The following CNTNAP4 variants were observed in gnomAD, a reference collection of about 807,000 sequenced individuals.
CNTNAP4 encodes contactin associated protein family member 4.
A neutral mutation model predicts 148.4 loss-of-function variants in CNTNAP4; 98 were observed. The ratio of observed to expected loss-of-function variants is 0.66; its 90% CI spans 0.56 to 0.78. The LOEUF (loss-of-function observed/expected upper bound fraction) is 0.78. Ranked by LOEUF, CNTNAP4 falls within the 30% of genes least tolerant of loss-of-function variation. The pLI is 0.00. For synonymous variants in CNTNAP4, 730 were observed against 565.1 expected, an observed-to-expected ratio of 1.29 and a Z score of -4.14; for missense variants, 1,935 against 1,565.6, an observed-to-expected ratio of 1.24 and a Z score of -3.98.
chr16:76,316,757 A>G (rs1435217493), intron 2 of CNTNAP4, among the ~76,000 whole-genome samples: 2 of 152,214 alleles, frequency 1.3e-5, no homozygotes, highest in Admixed American at 6.5e-5. Flanking sequence ...CTTTTTATAT[A>G]TCTTACTAAA....
intron 3 of CNTNAP4, among the ~76,000 whole-genome samples, chr16:76,377,789 G>A (rs1413890943): frequency 6.6e-6 from 1 of 152,132 alleles, no homozygotes; most frequent in Non-Finnish European, 1.5e-5. Flanking sequence ...GTAATTGACA[G>A]AAGAACTATA....
intron 17 of CNTNAP4, among the ~76,000 whole-genome samples, chr16:76,524,209 A>C (rs1472761152): frequency 1.3e-5 from 2 of 152,204 alleles, no homozygotes; most frequent in African/African-American, 4.8e-5. Flanking sequence ...TAGACAATCT[A>C]ATCATGATCT....
At chr16:76,518,402 A>G (rs1438806495) in intron 15 of CNTNAP4, among the ~76,000 whole-genome samples, 2 of 152,184 alleles carry the variant, frequency 1.3e-5, no homozygotes, top group Admixed American at 1.3e-4. Flanking sequence ...TGCTGGGATT[A>G]CAGGCATGAG....
intron 10 of CNTNAP4, among the ~76,000 whole-genome samples, chr16:76,468,216 G>T (rs1304448714): frequency 6.6e-6 from 1 of 152,102 alleles, no homozygotes; most frequent in Non-Finnish European, 1.5e-5. Context: ...GCTCATGCCT[G>T]TAATCCCAGC....
At position 76,539,746 on chromosome 16, in the gene CNTNAP4, A is replaced by G. The variant is rs1251895439; in HGVS notation, c.3248A>G (p.Asn1083Ser). 2 of 1,599,990 alleles carry G rather than the reference A, an allele frequency of 1.3e-6. No homozygotes were observed. Among genetic ancestry groups the G allele is most frequent in the Non-Finnish European group, 1.7e-6 (2 of 1,174,892 alleles). Reference protein sequence around the residue: ...NGSLQIRYKLNKYQEPDVVNF... With the variant: ...NGSLQIRYKLSKYQEPDVVNF... ...AGTTTGCAGATCAGGTACAAGTTAA[A>G]TAAATATCAAGAGCCTGATGTTGTT... Residue 1083 changes from asparagine to serine, a missense_variant, in exon 20 of 24, where the codon AAT becomes AGT. By Grantham distance (46) the Asn-to-Ser change is conservative (BLOSUM62 1). Coordinates refer to ENST00000611870, the MANE Select transcript of CNTNAP4 (RefSeq NM_033401.5).
intron 4 of CNTNAP4, among the ~76,000 whole-genome samples, chr16:76,441,609 C>G (rs2080043944): frequency 6.6e-6 from 1 of 152,068 alleles, no homozygotes; most frequent in Non-Finnish European, 1.5e-5. Flanking sequence ...CTGACAGACA[C>G]AGAAAAAGCC....
At chr16:76,529,706 GC>G (rs1476652237) in intron 17 of CNTNAP4, among the ~76,000 whole-genome samples, 1 of 152,158 alleles carries the variant, frequency 6.6e-6, no homozygotes, top group East Asian at 1.9e-4. Context: ...GAAGTAACTT[GC>G]TTTGCATTTG....
intron 1 of CNTNAP4, among the ~76,000 whole-genome samples, chr16:76,288,621 T>G (rs1263141629): frequency 6.6e-6 from 1 of 152,196 alleles, no homozygotes; most frequent in Non-Finnish European, 1.5e-5. Flanking sequence ...TCATAGACTA[T>G]CAAAATGGAT....
chr16:76,333,280 T>G (rs905690910), intron 2 of CNTNAP4, among the ~76,000 whole-genome samples: 2 of 152,164 alleles, frequency 1.3e-5, no homozygotes, highest in African/African-American at 4.8e-5. Flanking sequence ...GTGTCTCTTG[T>G]ATGTACTACG....
At chr16:76,371,805 C>G (rs148493771) in intron 3 of CNTNAP4, among the ~76,000 whole-genome samples, 13 of 152,308 alleles carry the variant, frequency 8.5e-5, no homozygotes, top group Non-Finnish European at 1.8e-4. Context: ...CTTGTACTTT[C>G]CTATTTCTCT....
chr16:76,310,183 A>G (rs1960948678), intron 1 of CNTNAP4, among the ~76,000 whole-genome samples: 1 of 152,022 alleles, frequency 6.6e-6, no homozygotes, highest in Non-Finnish European at 1.5e-5. Flanking sequence ...GAGGTACATC[A>G]GGTACTGGGT....
chr16:76,460,911 TAC>T (rs967306320), intron 8 of CNTNAP4, among the ~76,000 whole-genome samples: 1 of 150,760 alleles, frequency 6.6e-6, no homozygotes, highest in African/African-American at 2.4e-5. Flanking sequence ...CTGGGGGAAA[TAC>T]AGAGTTAGGT....
At chr16:76,526,121 C>G (rs1328601252) in intron 17 of CNTNAP4, among the ~76,000 whole-genome samples, 1 of 152,042 alleles carries the variant, frequency 6.6e-6, no homozygotes, top group African/African-American at 2.4e-5. Flanking sequence ...GCAGTCTTCT[C>G]TGGAGTCCTC....
intron 1 of CNTNAP4, among the ~76,000 whole-genome samples, chr16:76,313,515 C>T (rs9939013): frequency 6.6e-6 from 1 of 151,992 alleles, no homozygotes; most frequent in Non-Finnish European, 1.5e-5. Context: ...CTTCACCACT[C>T]CATGGGTTGT....
chr16:76,526,049 G>A (rs145017744), intron 17 of CNTNAP4, among the ~76,000 whole-genome samples: 1 of 151,898 alleles, frequency 6.6e-6, no homozygotes, highest in African/African-American at 2.4e-5. Flanking sequence ...AAGTAAAAAG[G>A]GTAGCATGGA....
In CNTNAP4 at chr16:76,494,113, C is replaced by T. The variant is rs557429262; in HGVS notation, c.2081-797C>T. On this transcript the variant is annotated intron_variant, in intron 13 of 23. Transcript: ENST00000611870. ...TTTTTTTTCCATGATAGATTGGCTA[C>T]ATGCTTCACGTCCTTCTCTGAAAAT... Among the ~76,000 whole-genome samples the T allele has an allele frequency of 1.5e-3, 227 of 151,534 alleles. 2 individuals carry two copies. Among genetic ancestry groups the T allele is most frequent in the African/African-American group, 5.3e-3 (218 of 41,276 alleles).
chr16:76,545,618 C>A (rs2084684820), intron 21 of CNTNAP4, among the ~76,000 whole-genome samples: 1 of 152,118 alleles, frequency 6.6e-6, no homozygotes, highest in African/African-American at 2.4e-5. Context: ...AAGCAAGAGT[C>A]ACCAATCCAA....
intron 3 of CNTNAP4, among the ~76,000 whole-genome samples, chr16:76,383,630 A>T (rs1469801765): frequency 6.6e-6 from 1 of 152,222 alleles, no homozygotes; most frequent in Non-Finnish European, 1.5e-5. Context: ...TACTTTTAAG[A>T]GATAAGCAGT....
intron 1 of CNTNAP4, among the ~76,000 whole-genome samples, chr16:76,284,217 G>A (rs960053561): frequency 6.6e-6 from 1 of 151,974 alleles, no homozygotes; most frequent in Admixed American, 6.6e-5. Context: ...CTATATTGTT[G>A]CATGATGTTC....
Sources: gnomAD v4.1 joint callset for allele counts (sites outside exome capture counted in the v4.1 genomes callset) on GRCh38, gnomAD v4.1.1 for gene constraint, MANE v1.5 for transcripts, NCBI Gene and HGNC (gene_info 2026-07-23, HGNC 2026-07-21) for gene names.